The following DENND1A variants were observed in gnomAD, a reference collection of about 807,000 sequenced individuals.
The protein encoded by DENND1A is DENN domain containing 1A.
In DENND1A, 51 loss-of-function variants were observed where a neutral mutation model predicts 113.7. The ratio of observed to expected loss-of-function variants is 0.45; its 90% CI spans 0.36 to 0.57. DENND1A has a LOEUF of 0.57. DENND1A is among the 20% of genes least tolerant of loss of function. DENND1A has a pLI of 0.00. For synonymous variants in DENND1A, 565 were observed against 570.8 expected (o/e 0.99, Z 0.14); for missense variants, 1,258 against 1,395.9 (o/e 0.90, Z 1.57).
At chr9:123,482,672 A>AC (rs2133752010) in intron 13 of DENND1A, among the ~76,000 whole-genome samples, 1 of 152,348 alleles carries the variant, frequency 6.6e-6, no homozygotes, top group South Asian at 2.1e-4. Flanking sequence ...AGGAACAATT[A>AC]CCCCCTGGGA....
intron 2 of DENND1A, among the ~76,000 whole-genome samples, chr9:123,815,002 A>G (rs1837219364): frequency 6.6e-6 from 1 of 152,254 alleles, no homozygotes; most frequent in Non-Finnish European, 1.5e-5. Context: ...AGGAATTCCT[A>G]ATGCTGACAA....
intron 18 of DENND1A, among the ~76,000 whole-genome samples, chr9:123,442,439 T>A (rs932350384): frequency 3.3e-5 from 5 of 152,136 alleles, no homozygotes; most frequent in South Asian, 2.1e-4. Context: ...AGGGGTTCCA[T>A]CTGTGCTAGA....
At chr9:123,392,109 G>A (rs541652618) in intron 21 of DENND1A, among the ~76,000 whole-genome samples, 1 of 152,320 alleles carries the variant, frequency 6.6e-6, no homozygotes, top group Admixed American at 6.5e-5. Context: ...GGTGACAGGC[G>A]AGGCTGTTCC....
chr9:123,415,760 A>G (rs1427319427), intron 19 of DENND1A, among the ~76,000 whole-genome samples: 1 of 152,170 alleles, frequency 6.6e-6, no homozygotes, highest in Non-Finnish European at 1.5e-5. Flanking sequence ...GATGCGGGGC[A>G]TCTGATGGCA....
intron 5 of DENND1A, among the ~76,000 whole-genome samples, chr9:123,722,761 G>C (rs911549277): frequency 1.3e-5 from 2 of 152,244 alleles, no homozygotes; most frequent in African/African-American, 4.8e-5. Flanking sequence ...AGATTTCAGA[G>C]TATGTATGGA....
intron 1 of DENND1A, among the ~76,000 whole-genome samples, chr9:123,886,426 T>A (rs1849092333): frequency 6.6e-6 from 1 of 152,202 alleles, no homozygotes. Context: ...CCCTTACTCA[T>A]TTCACGGTCT....
At chr9:123,703,457 T>C (rs2140730175) in intron 5 of DENND1A, among the ~76,000 whole-genome samples, 1 of 152,292 alleles carries the variant, frequency 6.6e-6, no homozygotes, top group African/African-American at 2.4e-5. Flanking sequence ...GTTTTTTATA[T>C]GCTTCATGGT....
chr9:123,538,957 G>C (rs1200463630), intron 13 of DENND1A, among the ~76,000 whole-genome samples: 1 of 149,852 alleles, frequency 6.7e-6, no homozygotes, highest in Non-Finnish European at 1.5e-5. Context: ...TAAAGAGAAA[G>C]AGTCAAACAT....
chr9:123,475,585 G>GC (rs951860100), intron 13 of DENND1A, among the ~76,000 whole-genome samples: 19 of 152,324 alleles, frequency 1.2e-4, no homozygotes, highest in Admixed American at 1.1e-3. Context: ...CCCATCCGAG[G>GC]CCCCCCTGGC....
intron 12 of DENND1A, among the ~76,000 whole-genome samples, chr9:123,558,379 AG>A (rs1457570107): frequency 2.0e-5 from 3 of 152,214 alleles, no homozygotes; most frequent in African/African-American, 4.8e-5. Context: ...CATACTCTAA[AG>A]GAAGTGTGGC....
chr9:123,701,965 G>C (rs2065909515), intron 5 of DENND1A, among the ~76,000 whole-genome samples: 1 of 152,196 alleles, frequency 6.6e-6, no homozygotes, highest in South Asian at 2.1e-4. Context: ...TGAGGTACTA[G>C]TGACTGACCA....
At chr9:123,677,947 A>G (rs1381809159) in intron 5 of DENND1A, among the ~76,000 whole-genome samples, 3 of 151,946 alleles carry the variant, frequency 2.0e-5, no homozygotes, top group Non-Finnish European at 4.4e-5. Context: ...ACGTCCTGGT[A>G]TCTTTGAGCC....
chr9:123,504,051 T>C (rs915538839), intron 13 of DENND1A, among the ~76,000 whole-genome samples: 1 of 152,236 alleles, frequency 6.6e-6, no homozygotes, highest in African/African-American at 2.4e-5. Context: ...CTGAGGTTTT[T>C]CACAAGCCTT....
chr9:123,607,206 G>C (rs1238414638), intron 11 of DENND1A, among the ~76,000 whole-genome samples: 1 of 152,006 alleles, frequency 6.6e-6, no homozygotes, highest in African/African-American at 2.4e-5. Context: ...CTAGCAAAAT[G>C]CTTGGAACAT....
rs1489604348 is a variant in DENND1A, at chr9:123,853,873, A to G, written c.88+25078T>C. Among the ~76,000 whole-genome samples the G allele has an allele frequency of 4.6e-5, 7 of 152,148 alleles. No individual in the cohort carries two copies. In the East Asian group the frequency reaches 1.3e-3, roughly 29 times the overall value. On this transcript the variant is annotated intron_variant, in intron 2 of 23. Transcript: ENST00000394215. ...CTCAAAAAAGCTACTGTTCCTCTCA[A>G]TGGGCCGGAAAATGTCTCAGATTAA...
intron 5 of DENND1A, among the ~76,000 whole-genome samples, chr9:123,723,084 C>T (rs967667265): frequency 6.6e-6 from 1 of 152,240 alleles, no homozygotes; most frequent in African/African-American, 2.4e-5. Flanking sequence ...TGGGAACCCA[C>T]CTCTTGCATC....
At chr9:123,633,741 A>G (rs1202112121) in intron 9 of DENND1A, among the ~76,000 whole-genome samples, 1 of 152,060 alleles carries the variant, frequency 6.6e-6, no homozygotes, top group East Asian at 1.9e-4. Context: ...ACACCACTAC[A>G]CTCCAGCCTA....
At chr9:123,734,033 T>G (rs1182682764) in intron 5 of DENND1A, among the ~76,000 whole-genome samples, 1 of 152,016 alleles carries the variant, frequency 6.6e-6, no homozygotes, top group Non-Finnish European at 1.5e-5. Flanking sequence ...AGGCACATAG[T>G]TCATAGTTCA....
intron 12 of DENND1A, among the ~76,000 whole-genome samples, chr9:123,566,821 A>G (rs1306178485): frequency 1.3e-5 from 2 of 152,014 alleles, no homozygotes; most frequent in Non-Finnish European, 2.9e-5. Context: ...TCTATTTGTA[A>G]ACCTTACCTT....
Sources: gnomAD v4.1 joint callset for allele counts (sites outside exome capture counted in the v4.1 genomes callset) on GRCh38, gnomAD v4.1.1 for gene constraint, MANE v1.5 for transcripts, NCBI Gene and HGNC (gene_info 2026-07-23, HGNC 2026-07-21) for gene names.